Variants in NEK11 observed in about 807,000 individuals in gnomAD.
NEK11 encodes the protein serine/threonine-protein kinase Nek11.
Under a neutral mutation model 80.7 loss-of-function variants are expected in NEK11, and 72 were observed. The ratio of observed to expected loss-of-function variants is 0.89; its 90% CI spans 0.74 to 1.08. The LOEUF (loss-of-function observed/expected upper bound fraction) is 1.08. Ranked by LOEUF, NEK11 falls within the 50% of genes least tolerant of loss-of-function variation. The pLI, the probability that NEK11 is intolerant of heterozygous loss-of-function variation, is 0.00. For synonymous variants in NEK11, 251 were observed against 260.7 expected (o/e 0.96, Z 0.36); for missense variants, 764 against 763.6 (o/e 1.00, Z -0.01).
At chr3:131,176,246 G>A (rs1364181581) in intron 14 of NEK11, among the ~76,000 whole-genome samples, 4 of 152,218 alleles carry the variant, frequency 2.6e-5, no homozygotes, top group Admixed American at 2.0e-4. Context: ...CCAAGATGGA[G>A]AAGCTGGTGG....
intron 4 of NEK11, among the ~76,000 whole-genome samples, chr3:131,106,492 T>C (rs773882727): frequency 1.3e-4 from 20 of 152,134 alleles, no homozygotes; most frequent in Non-Finnish European, 7.4e-5. Context: ...CACATAGAGA[T>C]AACATGAACT....
Position 131,045,072 on chromosome 3 carries a change from A to G in NEK11, c.170+15194A>G, listed in dbSNP as rs147406021. ...AGAAATAAGTTCTTTGAAATGAAGG[A>G]GAGCAAAGACACAGCATACCAGAAT... On this transcript the variant is annotated intron_variant, in intron 3 of 17. Transcript: ENST00000383366. 9.1e-3 allele frequency among the ~76,000 whole-genome samples: 1,389 copies of G among 152,334 alleles called. 7 individuals carry two copies. Among genetic ancestry groups the G allele is most frequent in the Non-Finnish European group, 0.011 (762 of 68,028 alleles).
intron 3 of NEK11, among the ~76,000 whole-genome samples, chr3:131,039,110 A>T (rs1485991968): frequency 6.6e-6 from 1 of 152,254 alleles, no homozygotes; most frequent in African/African-American, 2.4e-5. Flanking sequence ...TTCAATAAAT[A>T]AAGTATTTTA....
At chr3:131,134,039 C>T (rs1229667828) in intron 7 of NEK11, 83 bp downstream of exon 7, 2 of 1,189,378 alleles carry the variant, frequency 1.7e-6, no homozygotes, top group African/African-American at 3.1e-5. Flanking sequence ...TTACTTACTG[C>T]ATACATTCAC....
At chr3:131,269,277 G>A (rs755127436) in intron 16 of NEK11, among the ~76,000 whole-genome samples, 1 of 152,198 alleles carries the variant, frequency 6.6e-6, no homozygotes, top group Non-Finnish European at 1.5e-5. Context: ...GGAAGTGAAC[G>A]ATTTTGTCTC....
chr3:131,143,011 T>C (rs1316680508), intron 7 of NEK11, among the ~76,000 whole-genome samples: 2 of 152,160 alleles, frequency 1.3e-5, no homozygotes, highest in South Asian at 4.1e-4. Context: ...TATTAGAATA[T>C]GATAAGAGAA....
chr3:131,226,857 G>A (rs779664641), intron 14 of NEK11, among the ~76,000 whole-genome samples: 11 of 151,958 alleles, frequency 7.2e-5, no homozygotes, highest in Non-Finnish European at 1.3e-4. Flanking sequence ...ATGTGTATAG[G>A]TATGTTATAT....
At chr3:131,090,935 A>G (rs1328912957) in intron 4 of NEK11, among the ~76,000 whole-genome samples, 2 of 152,088 alleles carry the variant, frequency 1.3e-5, no homozygotes, top group Non-Finnish European at 2.9e-5. Flanking sequence ...GCTAATTTTA[A>G]AATTGTTTTT....
chr3:131,161,443 C>T (rs1004227138), intron 10 of NEK11, among the ~76,000 whole-genome samples: 1 of 152,142 alleles, frequency 6.6e-6, no homozygotes, highest in African/African-American at 2.4e-5. Flanking sequence ...AAATGCCCAT[C>T]CATGGTACAC....
In NEK11 at chr3:131,061,683, C is replaced by A. The variant is rs1463581990; in HGVS notation, c.171-18740C>A. On this transcript the variant is annotated intron_variant, in intron 3 of 17. Coordinates refer to ENST00000383366, the MANE Select transcript of NEK11 (RefSeq NM_024800.5). ...CCTCCTTTCTGTTATCTTATCAGGT[C>A]TCTCGGATCCAAGCAACAAAATAAG... 2.6e-5 allele frequency among the ~76,000 whole-genome samples: 4 copies of A among 152,262 alleles called. No homozygotes were observed. The East Asian group carries it at 7.7e-4, about 29-fold the overall frequency.
chr3:131,273,690 C>T, intron 17 of NEK11, 116 bp downstream of exon 17: 1 of 735,456 alleles, frequency 1.4e-6, no homozygotes, highest in Non-Finnish European at 2.3e-6. Flanking sequence ...TGACAAAATA[C>T]CTGGGACTAA....
chr3:131,138,190 G>A (rs1440443109), intron 7 of NEK11, among the ~76,000 whole-genome samples: 1 of 152,186 alleles, frequency 6.6e-6, no homozygotes, highest in African/African-American at 2.4e-5. Context: ...GCCCTGAGGG[G>A]TGAGTTCCAG....
At chr3:131,131,128 A>G (rs1486626100) in intron 5 of NEK11, among the ~76,000 whole-genome samples, 3 of 152,162 alleles carry the variant, frequency 2.0e-5, no homozygotes, top group Non-Finnish European at 4.4e-5. Flanking sequence ...ATTTGCTAAT[A>G]TTTCAGTGAG....
intron 3 of NEK11, among the ~76,000 whole-genome samples, chr3:131,042,239 G>T (rs1258372724): frequency 6.6e-6 from 1 of 151,602 alleles, no homozygotes; most frequent in African/African-American, 2.4e-5. Flanking sequence ...TCCCAGTGGT[G>T]CCTGGAATGC....
chr3:131,334,287 C>T (rs1168742831), intron 17 of NEK11, among the ~76,000 whole-genome samples: 1 of 152,174 alleles, frequency 6.6e-6, no homozygotes, highest in African/African-American at 2.4e-5. Flanking sequence ...ACAGTGCAAT[C>T]AAACTAGATC....
intron 17 of NEK11, among the ~76,000 whole-genome samples, chr3:131,282,865 T>C (rs893044146): frequency 6.6e-6 from 1 of 152,200 alleles, no homozygotes; most frequent in Non-Finnish European, 1.5e-5. Flanking sequence ...GATAGGGTAG[T>C]AACATGAAGT....
chr3:131,083,472 C>T (rs1461041697), intron 4 of NEK11, among the ~76,000 whole-genome samples: 2 of 152,222 alleles, frequency 1.3e-5, no homozygotes. Context: ...GCACAGATTG[C>T]TCCGTTCTTG....
chr3:131,207,237 G>A (rs1450973094), intron 14 of NEK11, among the ~76,000 whole-genome samples: 4 of 152,276 alleles, frequency 2.6e-5, no homozygotes, highest in East Asian at 1.9e-4. Context: ...TTGAGGAATC[G>A]CCACACTGTC....
At chr3:131,106,089 G>A (rs938893679) in intron 4 of NEK11, among the ~76,000 whole-genome samples, 5 of 152,146 alleles carry the variant, frequency 3.3e-5, no homozygotes, top group Non-Finnish European at 5.9e-5. Flanking sequence ...ACACTAGGAA[G>A]CAAGCAAGTG....
Sources: allele counts gnomAD v4.1 joint callset (sites outside exome capture counted in the v4.1 genomes callset), GRCh38; gene constraint gnomAD v4.1.1; transcripts MANE v1.5; gene names NCBI Gene and HGNC (gene_info 2026-07-23, HGNC 2026-07-21).